The following LRRC49 variants were observed in gnomAD, a reference collection of about 807,000 sequenced individuals.
LRRC49 encodes the protein leucine-rich repeat-containing protein 49.
In LRRC49, 50 loss-of-function variants were observed where a neutral mutation model predicts 83.3. The ratio of observed to expected loss-of-function variants is 0.60; its 90% confidence interval spans 0.48 to 0.76. The LOEUF (loss-of-function observed/expected upper bound fraction) is 0.76. Among genes scored for constraint, LRRC49 ranks in the 30% least tolerant of loss-of-function variants. The pLI, the probability that LRRC49 is intolerant of heterozygous loss-of-function variation, is 0.00. For missense variants in LRRC49, 704 were observed against 809.1 expected (o/e 0.87, Z 1.58); for synonymous variants, 286 against 283.3 (o/e 1.01, Z -0.10).
chr15:71,006,830 T>C (rs932704522), intron 11 of LRRC49, among the ~76,000 whole-genome samples: 1 of 152,092 alleles, frequency 6.6e-6, no homozygotes, highest in African/African-American at 2.4e-5. Context: ...AGTGAAGCTG[T>C]CCTTTGTTCT....
In LRRC49 at chr15:70,957,792, G is replaced by A. The variant is rs896607356; in HGVS notation, c.774-5993G>A. The stretch of plus-strand genomic sequence containing the variant: ...TATGGTAGTTGGAGGAAAACTTAGT[G>A]AAAACCCTTTTGAAATGTATCTTAA... On this transcript the variant is annotated intron_variant, in intron 8 of 15. Coordinates refer to ENST00000260382, the MANE Select transcript of LRRC49 (RefSeq NM_017691.5). Among the ~76,000 whole-genome samples the A allele has an allele frequency of 2.0e-5, 3 of 152,142 alleles. No homozygotes were observed. The South Asian group carries it at 6.2e-4, about 31-fold the overall frequency.
chr15:70,968,212 C>T (rs371260599), intron 9 of LRRC49, among the ~76,000 whole-genome samples: 3 of 151,982 alleles, frequency 2.0e-5, no homozygotes, highest in Non-Finnish European at 2.9e-5. Flanking sequence ...TGTTAAACTC[C>T]CATTATGAAT....
intron 2 of LRRC49, chr15:70,882,270 G>T: frequency 1.9e-6 from 1 of 514,678 alleles, no homozygotes; most frequent in Non-Finnish European, 3.4e-6. Flanking sequence ...AGGGATGTTT[G>T]TGGGTAGGTA....
At chr15:70,909,455 C>T (rs2034455330) in intron 5 of LRRC49, among the ~76,000 whole-genome samples, 1 of 152,168 alleles carries the variant, frequency 6.6e-6, no homozygotes, top group Non-Finnish European at 1.5e-5. Context: ...AAGCATGGCT[C>T]TGTCCTAAGC....
chr15:70,922,213 A>T (rs2035032738), intron 7 of LRRC49, among the ~76,000 whole-genome samples: 1 of 152,180 alleles, frequency 6.6e-6, no homozygotes, highest in Non-Finnish European at 1.5e-5. Flanking sequence ...GACATGGAAG[A>T]GATATCTGCA....
chr15:70,953,288 T>C (rs1159772245), intron 8 of LRRC49, among the ~76,000 whole-genome samples: 1 of 152,220 alleles, frequency 6.6e-6, no homozygotes, highest in African/African-American at 2.4e-5. Flanking sequence ...TTTCCATGTT[T>C]AGCACTTCCT....
intron 1 of LRRC49, among the ~76,000 whole-genome samples, chr15:70,872,405 T>C (rs1395317425): frequency 1.6e-5 from 2 of 125,284 alleles, no homozygotes; most frequent in African/African-American, 3.1e-5. Context: ...GACGGAGACG[T>C]AGGGGAGAGG....
upstream of LRRC49, among the ~76,000 whole-genome samples, chr15:70,889,306 A>C (rs1396448568): frequency 6.6e-6 from 1 of 152,198 alleles, no homozygotes; most frequent in Non-Finnish European, 1.5e-5. Flanking sequence ...AATGTTGAAC[A>C]AAAGAAGCCA....
At chr15:70,969,909 C>T (rs539739071) in intron 9 of LRRC49, among the ~76,000 whole-genome samples, 111 of 152,262 alleles carry the variant, frequency 7.3e-4, no homozygotes, top group African/African-American at 2.4e-3. Context: ...AATATACAAT[C>T]ATATCATCTG....
At chr15:70,922,322 T>G (rs1208428818) in intron 7 of LRRC49, among the ~76,000 whole-genome samples, 3 of 152,148 alleles carry the variant, frequency 2.0e-5, no homozygotes, top group Non-Finnish European at 2.9e-5. Context: ...GTGGTACATA[T>G]ACACAGTGGA....
intron 11 of LRRC49, among the ~76,000 whole-genome samples, chr15:70,985,520 T>C (rs1045173530): frequency 2.0e-5 from 3 of 152,244 alleles, no homozygotes; most frequent in African/African-American, 7.2e-5. Flanking sequence ...TTGTCGATTC[T>C]GGATATTAGC....
At chr15:70,857,389 G>A (rs900060404) in intron 1 of LRRC49, among the ~76,000 whole-genome samples, 3 of 152,048 alleles carry the variant, frequency 2.0e-5, no homozygotes, top group Admixed American at 6.5e-5. Flanking sequence ...CCAGCTACTC[G>A]GGAGGCTGAG....
chr15:71,009,586 A>C (rs1044927801), intron 12 of LRRC49: 2 of 384,432 alleles, frequency 5.2e-6, no homozygotes, highest in African/African-American at 4.2e-5. Context: ...AGAAGGAGTC[A>C]CCCAGAATTC....
chr15:71,028,206 A>T (rs572623516), intron 14 of LRRC49, among the ~76,000 whole-genome samples: 1 of 152,042 alleles, frequency 6.6e-6, no homozygotes, highest in Non-Finnish European at 1.5e-5. Flanking sequence ...AGATAATCAT[A>T]TGGTTTTTGT....
chr15:71,030,491 G>A (rs912128037), intron 14 of LRRC49, among the ~76,000 whole-genome samples: 3 of 152,106 alleles, frequency 2.0e-5, no homozygotes, highest in South Asian at 4.2e-4. Flanking sequence ...GGGATTATGT[G>A]TCTTGGGGTT....
chr15:70,895,634 C>A (rs1211569146), intron 2 of LRRC49: 2 of 439,134 alleles, frequency 4.6e-6, no homozygotes, highest in Non-Finnish European at 8.1e-6. Flanking sequence ...TTCCCTGCTT[C>A]CCTTAAATGC....
chr15:70,978,256 A>G (rs1442127561), intron 9 of LRRC49, among the ~76,000 whole-genome samples: 1 of 152,192 alleles, frequency 6.6e-6, no homozygotes, highest in African/African-American at 2.4e-5. Flanking sequence ...CTGTCTGCCT[A>G]TGATGTGTGA....
chr15:70,891,698 A>G (rs565237313), upstream of LRRC49: 46 of 686,120 alleles, frequency 6.7e-5, no homozygotes, highest in African/African-American at 6.7e-4. Context: ...GGGACCTTGG[A>G]GATCACCTCT....
chr15:70,856,051 C>A (rs936067736), intron 1 of LRRC49, among the ~76,000 whole-genome samples: 7 of 152,266 alleles, frequency 4.6e-5, no homozygotes, highest in African/African-American at 1.4e-4. Context: ...TCCTTACCCA[C>A]AATGATGGCT....
Sources: allele counts gnomAD v4.1 joint callset (sites outside exome capture counted in the v4.1 genomes callset), GRCh38; gene constraint gnomAD v4.1.1; transcripts MANE v1.5; gene names NCBI Gene and HGNC (gene_info 2026-07-23, HGNC 2026-07-21).